DENND5A: variants seen among roughly 807,000 people sequenced by gnomAD.
DENND5A encodes DENN domain containing 5A, also known as DENN domain-containing protein 5A.
DENND5A carries 64 observed loss-of-function variants against 140.3 expected under a neutral mutation model. That is an observed-to-expected ratio of 0.46 (90% CI 0.37 to 0.56). The LOEUF (loss-of-function observed/expected upper bound fraction) is 0.56. Among genes scored for constraint, DENND5A ranks in the 20% least tolerant of loss-of-function variants. The pLI, the probability that DENND5A is intolerant of heterozygous loss-of-function variation, is 0.00. For missense variants in DENND5A, 1,292 were observed against 1,593.8 expected (o/e 0.81, Z 3.22); for synonymous variants, 605 against 607.7 (o/e 1.00, Z 0.07).
chr11:9,149,388 G>C (rs1319670679), intron 15 of DENND5A, among the ~76,000 whole-genome samples: 1 of 152,172 alleles, frequency 6.6e-6, no homozygotes, highest in Non-Finnish European at 1.5e-5. Flanking sequence ...CTTGGGAAAG[G>C]GACAGGTTTA....
chr11:9,143,546 T>C, intron 19 of DENND5A, 61 bp from the exon 20 acceptor site: 1 of 1,399,938 alleles, frequency 7.1e-7, no homozygotes, highest in Middle Eastern at 1.8e-4. Flanking sequence ...CTTAGCTGCC[T>C]GAGCAGGAGA....
At position 9,204,009 on chromosome 11, in the gene DENND5A, A is replaced by G; in HGVS notation, c.600T>C (p.Thr200=). 2 of 1,614,102 alleles carry G rather than the reference A, an allele frequency of 1.2e-6. No individual in the cohort carries two copies. The highest frequency in any genetic ancestry group is 2.2e-5 in the South Asian group (2 of 91,074). The change falls in exon 4 of 23, where the codon ACT becomes ACC. Residue 200 remains threonine (T), a synonymous_variant. Coordinates refer to ENST00000328194, the MANE Select transcript of DENND5A (RefSeq NM_015213.4). ...RFNSYDISRD[T]LYVSKCICLI... ...GGCAGATGCACTTAGAGACGTAGAG[A>G]GTGTCCCGGCTAATGTCATAGGAGT...
intron 5 of DENND5A, among the ~76,000 whole-genome samples, chr11:9,192,633 A>G (rs1164747108): frequency 5.0e-5 from 7 of 141,402 alleles, no homozygotes; most frequent in Admixed American, 6.9e-5. Flanking sequence ...GTCTCAAAAA[A>G]AAAACAAAAA....
At chr11:9,150,247 T>C in intron 14 of DENND5A, 38 bp from the exon 15 acceptor site, 6 of 1,607,696 alleles carry the variant, frequency 3.7e-6, no homozygotes, top group Non-Finnish European at 5.1e-6. Flanking sequence ...GAGGGTGGGA[T>C]GGGAGATGAA....
intron 3 of DENND5A, among the ~76,000 whole-genome samples, chr11:9,205,403 T>A (rs148366028): frequency 2.1e-4 from 32 of 152,264 alleles, no homozygotes; most frequent in African/African-American, 7.5e-4. Context: ...AAACTTGACT[T>A]CCCAAAGGCT....
chr11:9,171,722 A>G, intron 8 of DENND5A: 1 of 150,176 alleles, frequency 6.7e-6, no homozygotes, highest in Non-Finnish European at 1.5e-5. Context: ...AATGAGCCAG[A>G]CATGGTGGCA....
chr11:9,169,488 T>TAC (rs1373451205), intron 10 of DENND5A, among the ~76,000 whole-genome samples: 151 of 107,028 alleles, frequency 1.4e-3, no homozygotes, highest in African/African-American at 4.5e-3. Context: ...TTTTCCTATA[T>TAC]ACACACGCAC....
intron 5 of DENND5A, among the ~76,000 whole-genome samples, chr11:9,192,666 C>T (rs1009061567): frequency 2.0e-5 from 3 of 151,842 alleles, no homozygotes; most frequent in Non-Finnish European, 2.9e-5. Context: ...AAACTCTACC[C>T]CCAAAAAAAT....
At chr11:9,211,441 TA>T (rs932661954) in intron 1 of DENND5A, among the ~76,000 whole-genome samples, 1 of 151,686 alleles carries the variant, frequency 6.6e-6, no homozygotes, top group Admixed American at 6.6e-5. Flanking sequence ...AATAATAAAA[TA>T]AAAAAAGAAT....
intron 13 of DENND5A, 32 bp downstream of exon 13, chr11:9,152,326 G>A (rs773758420): frequency 1.6e-5 from 24 of 1,463,996 alleles, no homozygotes; most frequent in Non-Finnish European, 2.2e-5. Flanking sequence ...AGTGGAGAGA[G>A]GGCAGACTCT....
chr11:9,192,195 C>T (rs947249663), intron 5 of DENND5A, among the ~76,000 whole-genome samples: 1 of 152,188 alleles, frequency 6.6e-6, no homozygotes, highest in African/African-American at 2.4e-5. Flanking sequence ...TTAAATATCA[C>T]AGACATGGTC....
intron 1 of DENND5A, among the ~76,000 whole-genome samples, chr11:9,209,577 T>C (rs1473902591): frequency 2.6e-5 from 4 of 152,180 alleles, no homozygotes; most frequent in African/African-American, 9.7e-5. Context: ...GTGCCAAAGT[T>C]AGACAAATGT....
At chr11:9,256,909 T>C (rs2136300208) in intron 1 of DENND5A, among the ~76,000 whole-genome samples, 1 of 152,210 alleles carries the variant, frequency 6.6e-6, no homozygotes, top group East Asian at 1.9e-4. Context: ...TCAATAAAAT[T>C]GTTTATATAT....
chr11:9,209,177 A>T (rs1849788386), intron 1 of DENND5A, among the ~76,000 whole-genome samples: 1 of 152,202 alleles, frequency 6.6e-6, no homozygotes, highest in African/African-American at 2.4e-5. Context: ...AGGAATCAGG[A>T]CAACTATCAC....
In DENND5A at chr11:9,265,053, C is replaced by T; in HGVS notation, c.17G>A (p.Gly6Asp). Residue 6 changes from glycine (G) to aspartate (D), a missense_variant, in exon 1 of 23, where the codon GGC becomes GAC. Coordinates refer to ENST00000328194, the MANE Select transcript of DENND5A (RefSeq NM_015213.4). This position sits in a 1 kb window ranked among gnomAD's most constrained non-coding sequence, Gnocchi z 4.7. ...GCGACTGGGCGCCGAGCCCCCTCCG[C>T]CGCCGCCGCCACTCATGGCGCCGGG... The part of the protein sequence containing the change: MSGGG[G>D]GGGSAPSRFA... 1 of 1,547,276 alleles carries T rather than the reference C, an allele frequency of 6.5e-7. No homozygotes were observed. The highest frequency in any genetic ancestry group is 8.7e-7 in the Non-Finnish European group (1 of 1,149,870).
At chr11:9,247,224 C>T (rs372820232) in intron 1 of DENND5A, among the ~76,000 whole-genome samples, 4 of 143,434 alleles carry the variant, frequency 2.8e-5, no homozygotes, top group African/African-American at 1.0e-4. Context: ...AGCGAGACTC[C>T]GTCTTAAAAA....
At chr11:9,164,843 T>C (rs1295036419) in intron 11 of DENND5A, among the ~76,000 whole-genome samples, 1 of 152,102 alleles carries the variant, frequency 6.6e-6, no homozygotes, top group East Asian at 1.9e-4. Context: ...TACTGTAAAA[T>C]GTCAAAAATT....
intron 1 of DENND5A, among the ~76,000 whole-genome samples, chr11:9,229,456 C>T (rs949531837): frequency 2.0e-5 from 3 of 152,036 alleles, no homozygotes; most frequent in African/African-American, 7.2e-5. Flanking sequence ...CTCTCCTTGC[C>T]CTCCTGTCTC....
intron 1 of DENND5A, among the ~76,000 whole-genome samples, chr11:9,208,332 T>C (rs1849760939): frequency 6.6e-6 from 1 of 152,240 alleles, no homozygotes; most frequent in Admixed American, 6.5e-5. Flanking sequence ...AGGGTCCTGT[T>C]TGCGTGTGCT....
Sources: allele counts gnomAD v4.1 joint callset (sites outside exome capture counted in the v4.1 genomes callset), GRCh38; gene constraint gnomAD v4.1.1; non-coding constraint Gnocchi (gnomAD v3.1); transcripts MANE v1.5; gene names NCBI Gene and HGNC (gene_info 2026-07-23, HGNC 2026-07-21).